F13A1: variants seen among roughly 807,000 people sequenced by gnomAD.
F13A1 encodes the protein FSF, A subunit.
A neutral mutation model predicts 80.1 loss-of-function variants in F13A1; 47 were observed. The ratio of observed to expected loss-of-function variants is 0.59; its 90% CI spans 0.46 to 0.75. The LOEUF is 0.75. Ranked by LOEUF, F13A1 falls within the 30% of genes least tolerant of loss-of-function variation. The pLI, the probability that F13A1 is intolerant of heterozygous loss-of-function variation, is 0.00. For missense variants in F13A1, 817 were observed against 930.4 expected (o/e 0.88, Z 1.59); for synonymous variants, 349 against 344.9 (o/e 1.01, Z -0.13).
intron 6 of F13A1, among the ~76,000 whole-genome samples, chr6:6,244,360 T>C (rs567447647): frequency 7.2e-5 from 11 of 152,116 alleles, no homozygotes; most frequent in African/African-American, 2.7e-4. Flanking sequence ...ATTGCTTCTC[T>C]TTTTTTTCTT....
At chr6:6,278,263 C>G (rs756167963) in intron 3 of F13A1, among the ~76,000 whole-genome samples, 2 of 152,030 alleles carry the variant, frequency 1.3e-5, no homozygotes. Flanking sequence ...ATACATGATA[C>G]GTCAAACGGA....
At chr6:6,305,225 G>T in intron 3 of F13A1, 126 bp downstream of exon 3, 1 of 1,057,094 alleles carries the variant, frequency 9.5e-7, no homozygotes, top group Non-Finnish European at 1.5e-6. Flanking sequence ...TCAGGGGCTG[G>T]ATGTCATTCC....
intron 3 of F13A1, among the ~76,000 whole-genome samples, chr6:6,297,521 T>C (rs1188428220): frequency 1.3e-5 from 2 of 151,070 alleles, no homozygotes; most frequent in African/African-American, 2.5e-5. Context: ...CTAGATTTTC[T>C]AGTTTATTTG....
At chr6:6,188,127 G>T (rs1171404938) in intron 10 of F13A1, among the ~76,000 whole-genome samples, 14 of 151,392 alleles carry the variant, frequency 9.2e-5, no homozygotes, top group Admixed American at 6.6e-4. Context: ...TTTCTTTATT[G>T]GTCTTGCTTG....
chr6:6,165,344 G>A lies in F13A1; in HGVS notation c.1908+2114C>T, dbSNP rs550027227. On this transcript the variant is annotated intron_variant, in intron 13 of 14. Transcript: ENST00000264870. Reference sequence around the variant, plus strand: ...AACTGCTCTTTAAGTAAACCCAGAAGATAACTAACAAATAATCCTGCAAAT... The same window carrying A: ...AACTGCTCTTTAAGTAAACCCAGAAAATAACTAACAAATAATCCTGCAAAT... Among the ~76,000 whole-genome samples the A allele has an allele frequency of 2.6e-4, 39 of 152,330 alleles. 1 individual carries two copies. Among genetic ancestry groups the A allele is most frequent in the African/African-American group, 8.9e-4 (37 of 41,582 alleles).
intron 3 of F13A1, among the ~76,000 whole-genome samples, chr6:6,300,350 G>A (rs372833914): frequency 2.3e-4 from 34 of 151,054 alleles, no homozygotes; most frequent in African/African-American, 7.2e-4. Context: ...CCTCTCTGCC[G>A]CCTTGCAGTT....
intron 6 of F13A1, among the ~76,000 whole-genome samples, chr6:6,247,279 A>G (rs1451442029): frequency 6.6e-6 from 1 of 152,238 alleles, no homozygotes; most frequent in Non-Finnish European, 1.5e-5. Flanking sequence ...ATTTAGCTCA[A>G]AAGAATATAC....
At chr6:6,300,534 A>C (rs1393980510) in intron 3 of F13A1, among the ~76,000 whole-genome samples, 71 of 151,938 alleles carry the variant, frequency 4.7e-4, no homozygotes, top group Non-Finnish European at 1.3e-4. Context: ...CCTTTCTTTG[A>C]CTCGGAAAGG....
intron 3 of F13A1, among the ~76,000 whole-genome samples, chr6:6,277,926 T>C (rs568438373): frequency 8.5e-5 from 13 of 152,262 alleles, no homozygotes; most frequent in Non-Finnish European, 2.9e-5. Flanking sequence ...CATAAATTCC[T>C]GTTCCATCTT....
At chr6:6,151,121 T>G (rs1760366013) in intron 14 of F13A1, among the ~76,000 whole-genome samples, 1 of 152,206 alleles carries the variant, frequency 6.6e-6, no homozygotes, top group African/African-American at 2.4e-5. Flanking sequence ...GTCACACTCT[T>G]TGTTAGTAGA....
chr6:6,253,485 TG>T (rs571355533), intron 4 of F13A1, among the ~76,000 whole-genome samples: 105 of 152,202 alleles, frequency 6.9e-4, no homozygotes, highest in African/African-American at 2.4e-3. Flanking sequence ...GCAAGCCCAC[TG>T]GTCAAAGAAG....
At chr6:6,207,163 C>G (rs927910887) in intron 8 of F13A1, among the ~76,000 whole-genome samples, 4 of 152,112 alleles carry the variant, frequency 2.6e-5, no homozygotes, top group African/African-American at 9.7e-5. Flanking sequence ...ATTCTCACCC[C>G]ACCTCCACAG....
intron 4 of F13A1, among the ~76,000 whole-genome samples, chr6:6,252,700 A>G (rs1238824367): frequency 6.6e-6 from 1 of 152,240 alleles, no homozygotes; most frequent in Non-Finnish European, 1.5e-5. Context: ...CAAAATGAAC[A>G]CATACAAAAT....
At chr6:6,267,698 A>C (rs1469249449) in intron 3 of F13A1, among the ~76,000 whole-genome samples, 2 of 152,192 alleles carry the variant, frequency 1.3e-5, no homozygotes, top group Non-Finnish European at 2.9e-5. Context: ...AGTTTAGTAA[A>C]AATAAACTTA....
At chr6:6,313,418 AG>A (rs1193019109) in intron 2 of F13A1, among the ~76,000 whole-genome samples, 2 of 68,240 alleles carry the variant, frequency 2.9e-5, no homozygotes, top group African/African-American at 1.7e-4. Context: ...GTTAAAGAAA[AG>A]AAAAAAATCT....
intron 11 of F13A1, 103 bp from the exon 12 acceptor site, chr6:6,174,970 T>C: frequency 7.2e-7 from 1 of 1,397,470 alleles, no homozygotes; most frequent in Non-Finnish European, 1.0e-6. Flanking sequence ...GGTGTTTCTA[T>C]AATACAAGCT....
At chr6:6,146,883 C>A (rs926479096) in intron 14 of F13A1, among the ~76,000 whole-genome samples, 2 of 152,084 alleles carry the variant, frequency 1.3e-5, no homozygotes, top group African/African-American at 2.4e-5. Context: ...GCACAGTGTG[C>A]AATTGCAAAA....
intron 6 of F13A1, among the ~76,000 whole-genome samples, chr6:6,227,581 G>T (rs1757294634): frequency 6.6e-6 from 1 of 152,096 alleles, no homozygotes; most frequent in African/African-American, 2.4e-5. Context: ...AGAATGCCTT[G>T]GTAGGCTATG....
At chr6:6,166,001 T>C (rs1201018463) in intron 13 of F13A1, among the ~76,000 whole-genome samples, 3 of 152,270 alleles carry the variant, frequency 2.0e-5, no homozygotes, top group Non-Finnish European at 2.9e-5. Flanking sequence ...CCCGTGAGTT[T>C]GGGTGGGACT....
Sources: allele counts gnomAD v4.1 joint callset (sites outside exome capture counted in the v4.1 genomes callset), GRCh38; gene constraint gnomAD v4.1.1; transcripts MANE v1.5; gene names NCBI Gene and HGNC (gene_info 2026-07-23, HGNC 2026-07-21).